The following PTPRD variants were observed in gnomAD, a reference collection of about 807,000 sequenced individuals.
PTPRD encodes the protein receptor-type tyrosine-protein phosphatase delta.
A neutral mutation model predicts 214.5 loss-of-function variants in PTPRD; 34 were observed. That is an observed-to-expected ratio of 0.16 (90% CI 0.12 to 0.21). The LOEUF (loss-of-function observed/expected upper bound fraction) is 0.21. PTPRD is among the 10% of genes least tolerant of loss of function. The probability of loss-of-function intolerance (pLI) is 1.00; values close to 1 mark genes in which losing one functional copy is unlikely to be tolerated. For missense variants in PTPRD, 2,545 were observed against 2,398.7 expected, an observed-to-expected ratio of 1.06 and a Z score of -1.27; for synonymous variants, 1,128 against 845.7, an observed-to-expected ratio of 1.33 and a Z score of -5.79.
chr9:10,543,019 G>A (rs1190546492), intron 2 of PTPRD, among the ~76,000 whole-genome samples: 2 of 151,994 alleles, frequency 1.3e-5, no homozygotes, highest in South Asian at 2.1e-4. Context: ...CCAAAGTGCT[G>A]GGATTACAGG....
chr9:9,024,901 G>A (rs1284876737), intron 10 of PTPRD, among the ~76,000 whole-genome samples: 1 of 151,824 alleles, frequency 6.6e-6, no homozygotes, highest in South Asian at 2.1e-4. Context: ...TAAAAACCAA[G>A]GGAAAGTTTA....
intron 37 of PTPRD, among the ~76,000 whole-genome samples, chr9:8,386,800 C>G (rs903952104): frequency 6.6e-6 from 1 of 152,144 alleles, no homozygotes; most frequent in East Asian, 1.9e-4. Flanking sequence ...CCTTTCTTCC[C>G]GCTACTTTAG....
rs74654137 is a variant in PTPRD at position 8,497,168 on chromosome 9, A to G, written c.2349+74T>C. 5.5e-4 allele frequency: 727 copies of G among 1,310,106 alleles called. 4 individuals are homozygous for G. In the African/African-American group the frequency reaches 9.7e-3, roughly 18 times the overall value. 81.2% of individuals were successfully genotyped at this position (1,310,106 alleles called of 1,614,324 possible). On this transcript the variant is annotated intron_variant, in intron 26 of 45. Transcript: ENST00000381196. Reference sequence around the variant, plus strand: ...CAAGCAAACTGTGATGACAGATCACAAATAAGTGAAAGGATGTCAGAGAAA... The same window carrying G: ...CAAGCAAACTGTGATGACAGATCACGAATAAGTGAAAGGATGTCAGAGAAA...
chr9:10,010,241 CAA>C (rs1286984383), intron 4 of PTPRD, among the ~76,000 whole-genome samples: 1 of 151,728 alleles, frequency 6.6e-6, no homozygotes, highest in Non-Finnish European at 1.5e-5. Flanking sequence ...GACCTCAGGG[CAA>C]AGAGACTGAG....
chr9:8,593,635 T>C (rs1275890140), intron 14 of PTPRD, among the ~76,000 whole-genome samples: 1 of 152,196 alleles, frequency 6.6e-6, no homozygotes, highest in African/African-American at 2.4e-5. Context: ...CACAATTTGA[T>C]TCTTTATTGG....
At chr9:9,990,436 G>A (rs891621240) in intron 4 of PTPRD, among the ~76,000 whole-genome samples, 3 of 152,202 alleles carry the variant, frequency 2.0e-5, no homozygotes, top group East Asian at 3.9e-4. Flanking sequence ...AAGTCAGTGA[G>A]GGGGCTTGGC....
chr9:8,599,182 T>G (rs2094657476), intron 14 of PTPRD, among the ~76,000 whole-genome samples: 1 of 152,134 alleles, frequency 6.6e-6, no homozygotes, highest in Non-Finnish European at 1.5e-5. Flanking sequence ...AAAACATGAC[T>G]TTACTTCTCA....
At chr9:9,462,085 G>C (rs1036012760) in intron 8 of PTPRD, among the ~76,000 whole-genome samples, 3 of 151,948 alleles carry the variant, frequency 2.0e-5, no homozygotes, top group African/African-American at 7.3e-5. Context: ...TTGTTATTAT[G>C]TCTCCAATAT....
intron 3 of PTPRD, among the ~76,000 whole-genome samples, chr9:10,211,143 G>T (rs2099515247): frequency 6.6e-6 from 1 of 151,938 alleles, no homozygotes. Context: ...CTGATGCTTT[G>T]GGGTAAGCAA....
At chr9:8,447,707 C>A (rs897938670) in intron 34 of PTPRD, among the ~76,000 whole-genome samples, 3 of 152,174 alleles carry the variant, frequency 2.0e-5, no homozygotes, top group African/African-American at 7.2e-5. Context: ...AGCACTCTCA[C>A]TGGCTCCCTT....
At chr9:9,186,006 T>C (rs2099931222) in intron 9 of PTPRD, among the ~76,000 whole-genome samples, 1 of 151,842 alleles carries the variant, frequency 6.6e-6, no homozygotes, top group Admixed American at 6.6e-5. Flanking sequence ...TAGAAAAAAA[T>C]GTAATCCTTT....
At position 10,218,324 on chromosome 9, in the gene PTPRD, C is replaced by G. The variant is rs768644400; in HGVS notation, c.-545+122639G>C. 5.3e-5 allele frequency among the ~76,000 whole-genome samples: 8 copies of G among 152,034 alleles called. No homozygotes were observed. In the South Asian group the frequency reaches 8.3e-4, roughly 16 times the overall value. ...TCTATCTCACCTGTACCTACATTTT[C>G]TTAATTTTTACCACCCAAGAGGTTT... On this transcript the variant is annotated intron_variant, in intron 3 of 45. Transcript: ENST00000381196.
intron 11 of PTPRD, among the ~76,000 whole-genome samples, chr9:8,991,597 G>A (rs1213788877): frequency 6.6e-6 from 1 of 152,044 alleles, no homozygotes; most frequent in East Asian, 1.9e-4. Flanking sequence ...CAGGTAAATA[G>A]AGGCTTAGAT....
intron 3 of PTPRD, among the ~76,000 whole-genome samples, chr9:10,324,390 A>C (rs2154430061): frequency 6.6e-6 from 1 of 152,210 alleles, no homozygotes; most frequent in African/African-American, 2.4e-5. Context: ...TTTATTCATT[A>C]TTGATGCAGA....
chr9:10,097,396 T>C (rs914076029), intron 3 of PTPRD, among the ~76,000 whole-genome samples: 1 of 147,028 alleles, frequency 6.8e-6, no homozygotes, highest in Admixed American at 6.9e-5. Flanking sequence ...CATTTGTTTG[T>C]ATCCTCTTTT....
intron 4 of PTPRD, among the ~76,000 whole-genome samples, chr9:9,991,515 C>T (rs2095921221): frequency 6.6e-6 from 1 of 152,004 alleles, no homozygotes; most frequent in African/African-American, 2.4e-5. Flanking sequence ...GCATGAGCCA[C>T]CACACCTAGC....
At chr9:9,478,118 G>A (rs191980342) in intron 8 of PTPRD, among the ~76,000 whole-genome samples, 38 of 135,066 alleles carry the variant, frequency 2.8e-4, no homozygotes, top group Middle Eastern at 7.9e-3. Flanking sequence ...TAGATTATGC[G>A]TAAACCTTCT....
chr9:8,894,908 C>T (rs560839891), intron 11 of PTPRD, among the ~76,000 whole-genome samples: 1 of 152,250 alleles, frequency 6.6e-6, no homozygotes, highest in East Asian at 1.9e-4. Flanking sequence ...AGAGAGACAA[C>T]ACACAATTTG....
chr9:8,932,507 A>T (rs2098960054), intron 11 of PTPRD, among the ~76,000 whole-genome samples: 1 of 151,964 alleles, frequency 6.6e-6, no homozygotes, highest in South Asian at 2.1e-4. Flanking sequence ...TCGCAGGGAG[A>T]TGGGAGTTTG....
Sources: gnomAD v4.1 joint callset for allele counts (sites outside exome capture counted in the v4.1 genomes callset) on GRCh38, gnomAD v4.1.1 for gene constraint, MANE v1.5 for transcripts, NCBI Gene and HGNC (gene_info 2026-07-23, HGNC 2026-07-21) for gene names.